Variants in TBX19 observed in about 807,000 individuals in gnomAD.
The protein encoded by TBX19 is T-box transcription factor 19.
TBX19 carries 33 observed loss-of-function variants against 40.9 expected under a neutral mutation model. That is an observed-to-expected ratio of 0.81 (90% CI 0.61 to 1.08). The LOEUF (loss-of-function observed/expected upper bound fraction) is 1.08, where lower values mean the gene tolerates loss of function less well. Among genes scored for constraint, TBX19 ranks in the 50% least tolerant of loss-of-function variants. The probability of loss-of-function intolerance (pLI) is 0.00; values close to 1 mark genes in which losing one functional copy is unlikely to be tolerated. For missense variants in TBX19, 494 were observed against 574.0 expected (o/e 0.86, Z 1.42); for synonymous variants, 220 against 225.0 (o/e 0.98, Z 0.20).
intron 3 of TBX19, among the ~76,000 whole-genome samples, chr1:168,294,524 C>G (rs1037415662): frequency 6.0e-5 from 9 of 149,930 alleles, no homozygotes; most frequent in African/African-American, 2.2e-4. Flanking sequence ...TTTTTTGAGA[C>G]AGAGTCTCAC....
chr1:168,293,157 C>G lies in TBX19; in HGVS notation c.482C>G (p.Ser161Cys). 6.2e-7 allele frequency: 1 copy of G among 1,613,966 alleles called. No homozygotes were observed. Among genetic ancestry groups the G allele is most frequent in the Non-Finnish European group, 8.5e-7 (1 of 1,179,964 alleles). ...CTGCCTCGACAGATAATGTTGAATTCTCTGCATAAATATGAACCCCAGGTT... is the reference window on the plus strand; with the variant it reads ...CTGCCTCGACAGATAATGTTGAATTGTCTGCATAAATATGAACCCCAGGTT... The part of the protein sequence containing the change: ...LNGGGQIMLN[S>C]LHKYEPQVHI... Residue 161 changes from serine to cysteine, a missense_variant, in exon 3 of 8, where the codon TCT becomes TGT. Ser to Cys is a moderately radical substitution (Grantham distance 112). This residue lies in a region of TBX19 where 201 missense variants were observed against 235.2 expected (regional missense o/e 0.85). Coordinates refer to ENST00000367821, the MANE Select transcript of TBX19 (RefSeq NM_005149.3).
At position 168,308,927 on chromosome 1, in the gene TBX19, T is replaced by TA. The variant is rs766404948; in HGVS notation, c.1052+50_1052+51insA. ...TCATTGGTCGTCTTGGGGGTTTACTTTAGCACTGGGGACTCAAGTTCATTC... is the reference window on the plus strand; with the variant it reads ...TCATTGGTCGTCTTGGGGGTTTACTTATAGCACTGGGGACTCAAGTTCATTC... On this transcript the variant is annotated intron_variant, in intron 7 of 7. Transcript: ENST00000367821. 3 of 1,613,490 alleles carry TA rather than the reference T, an allele frequency of 1.9e-6. No homozygotes were observed. In the Admixed American group the frequency reaches 5.0e-5, roughly 27 times the overall value.
chr1:168,301,929 C>T (rs1334034943), intron 5 of TBX19, among the ~76,000 whole-genome samples: 6 of 152,224 alleles, frequency 3.9e-5, no homozygotes, highest in Non-Finnish European at 8.8e-5. Flanking sequence ...GCTCCTCACA[C>T]TCACATCCCT....
rs2102365388 is a variant in TBX19 at position 168,313,167 on chromosome 1, A to G, written c.*165A>G. 3.8e-6 allele frequency: 3 copies of G among 793,396 alleles called. No homozygotes were observed. The highest frequency in any genetic ancestry group is 2.2e-5 in the Admixed American group (1 of 45,810). The allele number at this position is 793,396 out of a possible 1,614,324, so 49.1% of individuals were successfully genotyped here. ...CATACTGGGAGAGGGTTCAGTTTGG[A>G]TGATGCTAGTTAGATCATTTGCATC... On this transcript the variant is annotated 3_prime_UTR_variant, in exon 8 of 8. Coordinates refer to ENST00000367821, the MANE Select transcript of TBX19 (RefSeq NM_005149.3).
chr1:168,307,748 A>T (rs1455127968), intron 6 of TBX19, among the ~76,000 whole-genome samples: 1 of 152,052 alleles, frequency 6.6e-6, no homozygotes, highest in Non-Finnish European at 1.5e-5. Flanking sequence ...CCCCCATAAA[A>T]ACTGTATATA....
chr1:168,301,450 A>G (rs1649273085), intron 5 of TBX19, among the ~76,000 whole-genome samples: 1 of 152,098 alleles, frequency 6.6e-6, no homozygotes, highest in Admixed American at 6.5e-5. Flanking sequence ...TTTGGTAGAG[A>G]TGGGGTTTCA....
intron 5 of TBX19, among the ~76,000 whole-genome samples, chr1:168,302,721 G>A (rs1182787161): frequency 6.6e-6 from 1 of 152,142 alleles, no homozygotes; most frequent in African/African-American, 2.4e-5. Flanking sequence ...AATGCTTGCT[G>A]TCAAGTTGTG....
At chr1:168,306,064 C>T (rs1649397738) in intron 6 of TBX19, among the ~76,000 whole-genome samples, 1 of 152,180 alleles carries the variant, frequency 6.6e-6, no homozygotes, top group Non-Finnish European at 1.5e-5. Context: ...TTCCAGCCTC[C>T]TTCCTTCCTC....
Position 168,305,051 on chromosome 1 carries a change from AG to A in TBX19, c.773del (p.Gly258GlufsTer49), listed in dbSNP as rs1649367641. The A allele has an allele frequency of 1.2e-6, 2 of 1,614,084 alleles. No homozygotes were observed. Among genetic ancestry groups the A allele is most frequent in the Admixed American group, 3.3e-5 (2 of 60,014 alleles). On this transcript the variant is annotated frameshift_variant, in exon 6 of 8. Transcript: ENST00000367821. LOFTEE classifies it high-confidence loss of function. The stretch of plus-strand genomic sequence containing the variant: ...CCAATCCAGATGGAGTGTGCACAGC[AG>A]GAAACTCCAATTACCAGTATGCCGC... ...FSNPDGVCTA[G>X]NSNYQYAAPL...
At chr1:168,282,074 C>T (rs551276966) in intron 1 of TBX19, among the ~76,000 whole-genome samples, 4 of 152,210 alleles carry the variant, frequency 2.6e-5, no homozygotes, top group East Asian at 3.9e-4. Context: ...AAAATCTCAC[C>T]GCTCGCAGCT....
chr1:168,298,776 C>G (rs12756931), intron 4 of TBX19, among the ~76,000 whole-genome samples: 6,527 of 105,212 alleles, frequency 0.062, 732 homozygotes, highest in East Asian at 0.17. Context: ...CTTCCCTTCC[C>G]TTCCCTCCCT....
chr1:168,290,589 C>G (rs1648912397), intron 1 of TBX19, among the ~76,000 whole-genome samples: 1 of 152,156 alleles, frequency 6.6e-6, no homozygotes, highest in South Asian at 2.1e-4. Context: ...CTCACTCTGT[C>G]ACCCAGGCTG....
chr1:168,288,803 C>T (rs375894607), intron 1 of TBX19, among the ~76,000 whole-genome samples: 8 of 151,834 alleles, frequency 5.3e-5, no homozygotes, highest in Admixed American at 2.0e-4. Context: ...CTCTATCACC[C>T]AGCCTGGAGT....
intron 3 of TBX19, among the ~76,000 whole-genome samples, chr1:168,296,471 C>A (rs1649106331): frequency 6.6e-6 from 1 of 151,994 alleles, no homozygotes; most frequent in Non-Finnish European, 1.5e-5. Flanking sequence ...AGAATGAGAG[C>A]CAAGAGAAAG....
chr1:168,300,343 A>G (rs1649245581), intron 4 of TBX19, 79 bp from the exon 5 acceptor site: 1 of 1,323,910 alleles, frequency 7.6e-7, no homozygotes, highest in Non-Finnish European at 1.1e-6. Context: ...TTGCTCTTCA[A>G]GGAGAATTTT....
chr1:168,286,259 T>C (rs73033981), intron 1 of TBX19, among the ~76,000 whole-genome samples: 33 of 152,372 alleles, frequency 2.2e-4, no homozygotes, highest in African/African-American at 7.7e-4. Context: ...ATAATTCACA[T>C]GCCATACAGC....
chr1:168,305,007 G>C lies in TBX19; in HGVS notation c.728-1G>C, dbSNP rs777309978. 18 of 1,613,944 alleles carry C rather than the reference G, an allele frequency of 1.1e-5. No individual in the cohort carries two copies. The highest frequency in any genetic ancestry group is 1.5e-5 in the Non-Finnish European group (18 of 1,180,024). On this transcript the variant is annotated splice_acceptor_variant, in intron 5 of 7. Coordinates refer to ENST00000367821, the MANE Select transcript of TBX19 (RefSeq NM_005149.3). LOFTEE classifies it high-confidence loss of function. The stretch of plus-strand genomic sequence containing the variant: ...TGGTGTATTCCTCTTGTCTATTTTA[G>C]TGGGAGGCTGGATCTTTTCCAATCC...
At position 168,312,669 on chromosome 1, in the gene TBX19, C is replaced by T. The variant is rs751440246; in HGVS notation, c.1053-39C>T. On this transcript the variant is annotated intron_variant, in intron 7 of 7. Transcript: ENST00000367821. ...AGGTGGCACTCCTTCCTTGGAGTGCCAGTGAACATTCCCTTCCCCTCTTTC... is the reference window on the plus strand; with the variant it reads ...AGGTGGCACTCCTTCCTTGGAGTGCTAGTGAACATTCCCTTCCCCTCTTTC... The T allele has an allele frequency of 3.7e-6, 6 of 1,602,428 alleles. No individual in the cohort carries two copies. The Admixed American group carries it at 5.0e-5, about 13-fold the overall frequency.
At chr1:168,284,201 T>G (rs1211025952) in intron 1 of TBX19, among the ~76,000 whole-genome samples, 1 of 152,182 alleles carries the variant, frequency 6.6e-6, no homozygotes, top group East Asian at 1.9e-4. Context: ...TTGAAAACTT[T>G]CAGTTATTCA....
Sources: gnomAD v4.1 joint callset for allele counts (sites outside exome capture counted in the v4.1 genomes callset) on GRCh38, gnomAD v4.1.1 for gene constraint, gnomAD v4.1.1 regional missense constraint, MANE v1.5 for transcripts, NCBI Gene and HGNC (gene_info 2026-07-23, HGNC 2026-07-21) for gene names.